The following FLT1 variants were observed in gnomAD, a reference collection of about 807,000 sequenced individuals.
FLT1 encodes fms related receptor tyrosine kinase 1, also known as vascular endothelial growth factor receptor 1.
FLT1 carries 49 observed loss-of-function variants against 156.3 expected under a neutral mutation model. That is an observed-to-expected ratio of 0.31 (90% CI 0.25 to 0.40). The LOEUF (loss-of-function observed/expected upper bound fraction) is 0.40. Ranked by LOEUF, FLT1 falls within the 10% of genes least tolerant of loss-of-function variation. The pLI, the probability that FLT1 is intolerant of heterozygous loss-of-function variation, is 1.00. For synonymous variants in FLT1, 594 were observed against 583.8 expected (o/e 1.02, Z -0.25); for missense variants, 1,322 against 1,637.2 (o/e 0.81, Z 3.32).
At chr13:28,412,317 C>CT (rs1555236419) in intron 10 of FLT1, among the ~76,000 whole-genome samples, 3 of 37,358 alleles carry the variant, frequency 8.0e-5, no homozygotes, top group Non-Finnish European at 1.4e-4. Context: ...CTCTTTCTTT[C>CT]TTTCTTTCTT....
intron 14 of FLT1, among the ~76,000 whole-genome samples, chr13:28,374,292 A>G (rs537246207): frequency 1.3e-5 from 2 of 152,008 alleles, no homozygotes; most frequent in African/African-American, 4.8e-5. Context: ...GCATGTGACT[A>G]TAGTCCCAGC....
intron 3 of FLT1, among the ~76,000 whole-genome samples, chr13:28,440,951 C>T (rs1453452081): frequency 6.6e-6 from 1 of 152,044 alleles, no homozygotes; most frequent in African/African-American, 2.4e-5. Flanking sequence ...GTCAGGTGAC[C>T]ATCAGGTGAT....
At chr13:28,481,204 C>T (rs1173196741) in intron 1 of FLT1, among the ~76,000 whole-genome samples, 1 of 152,124 alleles carries the variant, frequency 6.6e-6, no homozygotes, top group Non-Finnish European at 1.5e-5. Context: ...AGCAGGAAGG[C>T]TCATCTCAAG....
At chr13:28,418,618 C>G (rs1473537824) in intron 10 of FLT1, among the ~76,000 whole-genome samples, 2 of 152,176 alleles carry the variant, frequency 1.3e-5, no homozygotes, top group African/African-American at 4.8e-5. Context: ...CTCTGTCTCC[C>G]AGGCTGGAGT....
In FLT1 at chr13:28,434,214, G is replaced by A; in HGVS notation, c.520C>T (p.Leu174Phe). 6.2e-7 allele frequency: 1 copy of A among 1,614,050 alleles called. No homozygotes were observed. The highest frequency in any genetic ancestry group is 8.5e-7 in the Non-Finnish European group (1 of 1,179,992). Residue 174 changes from leucine (L) to phenylalanine (F), a missense_variant, in exon 5 of 30, where the codon CTT becomes TTT. Coordinates refer to ENST00000282397, the MANE Select transcript of FLT1 (RefSeq NM_002019.4). ...TTTCCATCAGGGATCAAAGTGTCAA[G>A]TGGAAACTGAAAAGGAAGAGGCATG... ...NITVTLKKFP[L>F]DTLIPDGKRI...
intron 14 of FLT1, among the ~76,000 whole-genome samples, chr13:28,378,137 C>G (rs1162277316): frequency 6.6e-6 from 1 of 151,564 alleles, no homozygotes; most frequent in Non-Finnish European, 1.5e-5. Flanking sequence ...CAACCTTCGC[C>G]TCCCGGGTTC....
rs1312490408 is a variant in FLT1 at position 28,388,747 on chromosome 13, T to C, written c.1969+1049A>G. On this transcript the variant is annotated intron_variant, in intron 13 of 29. Transcript: ENST00000282397. Reference sequence around the variant, plus strand: ...AATTTTAAATTTACATTTAGAAGAATGCATTAAATCTCTGGTTACAATAGC... The same window carrying C: ...AATTTTAAATTTACATTTAGAAGAACGCATTAAATCTCTGGTTACAATAGC... The C allele has an allele frequency of 1.0e-5, 11 of 1,059,078 alleles. No homozygotes were observed. In the East Asian group the frequency reaches 4.7e-4, roughly 45 times the overall value. The allele number at this position is 1,059,078 out of a possible 1,614,324, so 65.6% of individuals were successfully genotyped here. A position where few individuals can be genotyped will look rare whatever the true frequency, so the allele number is the denominator to read the frequency against.
At chr13:28,356,400 T>A (rs916145659) in intron 15 of FLT1, among the ~76,000 whole-genome samples, 2 of 152,186 alleles carry the variant, frequency 1.3e-5, no homozygotes, top group African/African-American at 4.8e-5. Flanking sequence ...ATAAATTGTT[T>A]CTGTATGAGC....
At chr13:28,492,248 A>G (rs1360640820) in intron 1 of FLT1, among the ~76,000 whole-genome samples, 1 of 152,220 alleles carries the variant, frequency 6.6e-6, no homozygotes, top group Non-Finnish European at 1.5e-5. Flanking sequence ...CAATTTCAGT[A>G]TTTCCACTTA....
At chr13:28,312,777 A>T (rs1227135836) in intron 25 of FLT1, among the ~76,000 whole-genome samples, 1 of 151,890 alleles carries the variant, frequency 6.6e-6, no homozygotes, top group Non-Finnish European at 1.5e-5. Flanking sequence ...TGTGTAGCTG[A>T]TCATTCTCCC....
At chr13:28,325,072 G>A (rs1052981331) in intron 20 of FLT1, among the ~76,000 whole-genome samples, 1 of 152,092 alleles carries the variant, frequency 6.6e-6, no homozygotes, top group African/African-American at 2.4e-5. Flanking sequence ...TTCCAAATAT[G>A]AAAGACAGCC....
chr13:28,374,533 A>G (rs1403023866), intron 14 of FLT1, among the ~76,000 whole-genome samples: 1 of 151,362 alleles, frequency 6.6e-6, no homozygotes, highest in East Asian at 1.9e-4. Context: ...TTTTATTGAG[A>G]TGGAGTCTCG....
At chr13:28,442,338 T>C (rs183975319) in intron 3 of FLT1, among the ~76,000 whole-genome samples, 26 of 152,278 alleles carry the variant, frequency 1.7e-4, no homozygotes, top group Admixed American at 5.9e-4. Flanking sequence ...TAAGCAACTG[T>C]TTTCAACAAA....
intron 10 of FLT1, among the ~76,000 whole-genome samples, chr13:28,414,553 C>A (rs1876531023): frequency 6.6e-6 from 1 of 152,214 alleles, no homozygotes; most frequent in Non-Finnish European, 1.5e-5. Context: ...GTGTAACACA[C>A]TTAGCACAGT....
chr13:28,333,457 C>T (rs1872001137), intron 18 of FLT1, among the ~76,000 whole-genome samples: 1 of 152,178 alleles, frequency 6.6e-6, no homozygotes, highest in African/African-American at 2.4e-5. Context: ...TGATTTGGTT[C>T]TACCTCCCAG....
At chr13:28,445,719 G>A (rs1318409738) in intron 3 of FLT1, among the ~76,000 whole-genome samples, 1 of 151,976 alleles carries the variant, frequency 6.6e-6, no homozygotes, top group African/African-American at 2.4e-5. Context: ...GGGCCCAGAT[G>A]GCAAGTCAAT....
In FLT1 at chr13:28,467,092, C is replaced by A. The variant is rs757680099; in HGVS notation, c.199G>T (p.Val67Leu). Residue 67 changes from valine (V) to leucine (L), a missense_variant, in exon 3 of 30, where the codon GTG (valine) becomes TTG (leucine). By Grantham distance (32) the Val-to-Leu change is conservative. Transcript: ENST00000282397. ...AAHKWSLPEM[V>L]SKESERLSIT... is the part of the protein sequence containing the mutation. ...CTCAGCCTTTCGCTTTCCTTACTCA[C>A]CATTTCAGGCAAAGACCATTTATGG... 1.2e-6 allele frequency: 2 copies of A among 1,614,050 alleles called. No homozygotes were observed. The highest frequency in any genetic ancestry group is 1.7e-6 in the Non-Finnish European group (2 of 1,180,012).
At chr13:28,414,251 C>A (rs550787543) in intron 10 of FLT1, among the ~76,000 whole-genome samples, 1 of 152,286 alleles carries the variant, frequency 6.6e-6, no homozygotes, top group African/African-American at 2.4e-5. Context: ...CTTCTTCTCG[C>A]TCTTGACAAC....
chr13:28,382,052 T>TA (rs1403818040), intron 14 of FLT1, among the ~76,000 whole-genome samples: 1 of 152,106 alleles, frequency 6.6e-6, no homozygotes, highest in Non-Finnish European at 1.5e-5. Flanking sequence ...ACTGGTGATT[T>TA]AAAAAAATAC....
Sources: allele counts gnomAD v4.1 joint callset (sites outside exome capture counted in the v4.1 genomes callset), GRCh38; gene constraint gnomAD v4.1.1; transcripts MANE v1.5; gene names NCBI Gene and HGNC (gene_info 2026-07-23, HGNC 2026-07-21).